The following PCDHGA3 variants were observed in gnomAD, a reference collection of about 807,000 sequenced individuals.
PCDHGA3 encodes protocadherin gamma subfamily A, 3.
In PCDHGA3, 40 loss-of-function variants were observed where a neutral mutation model predicts 58.5. The observed-to-expected ratio is 0.68, with a 90% CI of 0.53 to 0.89. PCDHGA3 has a LOEUF of 0.89. Among genes scored for constraint, PCDHGA3 ranks in the 40% least tolerant of loss-of-function variants. The probability of loss-of-function intolerance (pLI) is 0.00; values close to 1 mark genes in which losing one functional copy is unlikely to be tolerated. For missense variants in PCDHGA3, 1,223 were observed against 1,195.9 expected (o/e 1.02, Z -0.33); for synonymous variants, 530 against 525.7 (o/e 1.01, Z -0.11).
intron 1 of PCDHGA3, chr5:141,371,816 C>T: frequency 6.2e-7 from 1 of 1,613,888 alleles, no homozygotes; most frequent in Non-Finnish European, 8.5e-7. Context: ...TTGCGCATGT[C>T]AGAGCCTCGG....
chr5:141,472,065 G>C lies in PCDHGA3; in HGVS notation c.2425-22742G>C, dbSNP rs115025688. Among the ~76,000 whole-genome samples the C allele has an allele frequency of 1.7e-3, 265 of 152,218 alleles. 1 individual carries two copies. Among genetic ancestry groups the C allele is most frequent in the Middle Eastern group, 3.4e-3 (1 of 294 alleles). On this transcript the variant is annotated intron_variant, in intron 1 of 3. Coordinates refer to ENST00000253812, the MANE Select transcript of PCDHGA3 (RefSeq NM_018916.4). ...GATTTTAAAAATGATTGACATGTCT[G>C]TGGTTATATCAATGAGTACTATTAT...
At chr5:141,364,137 G>T in intron 1 of PCDHGA3, 1 of 496,716 alleles carries the variant, frequency 2.0e-6, no homozygotes, top group Non-Finnish European at 3.4e-6. Flanking sequence ...GTTGACCAAA[G>T]TGGGAAAGAA....
chr5:141,395,819 T>A (rs2093315125), intron 1 of PCDHGA3: 1 of 152,210 alleles, frequency 6.6e-6, no homozygotes, highest in Admixed American at 6.5e-5. Context: ...ATGAACAAAC[T>A]TTAAAGATGG....
intron 1 of PCDHGA3, among the ~76,000 whole-genome samples, chr5:141,479,107 G>A (rs1212999480): frequency 6.6e-6 from 1 of 152,090 alleles, no homozygotes; most frequent in Non-Finnish European, 1.5e-5. Flanking sequence ...TTTATTTCAA[G>A]CATTCTACTG....
Position 141,490,909 on chromosome 5 carries a change from G to T in PCDHGA3, c.2425-3898G>T. 4 of 1,613,744 alleles carry T rather than the reference G, an allele frequency of 2.5e-6. No individual in the cohort carries two copies. Among genetic ancestry groups the T allele is most frequent in the Non-Finnish European group, 3.4e-6 (4 of 1,179,762 alleles). ...ATCTCTGCATGTGTTTGTCCTAGAC[G>T]AGAATGATAATGCCCCAGCTGTGCT... On this transcript the variant is annotated intron_variant, in intron 1 of 3. Transcript: ENST00000253812. The surrounding 1 kb of genome is among the most constrained non-coding windows in gnomAD (Gnocchi z 5.4).
At chr5:141,363,078 A>G (rs1338723050) in intron 1 of PCDHGA3, among the ~76,000 whole-genome samples, 1 of 152,256 alleles carries the variant, frequency 6.6e-6, no homozygotes. Flanking sequence ...TGGAATCACA[A>G]ATGTATTTCT....
rs750876131 is a variant in PCDHGA3 at position 141,366,508 on chromosome 5, G to C, written c.2424+20051G>C. 2.5e-6 allele frequency: 4 copies of C among 1,614,144 alleles called. No individual in the cohort carries two copies. The African/African-American group carries it at 5.3e-5, about 22-fold the overall frequency. Reference sequence around the variant, plus strand: ...GCTGGCACAAGTCACGCCTGCTTCAGGCTGAAGGCAGCAGGTTGGCGGGTG... The same window carrying C: ...GCTGGCACAAGTCACGCCTGCTTCACGCTGAAGGCAGCAGGTTGGCGGGTG... On this transcript the variant is annotated intron_variant, in intron 1 of 3. Transcript: ENST00000253812.
intron 1 of PCDHGA3, among the ~76,000 whole-genome samples, chr5:141,369,773 T>G: frequency 6.6e-6 from 1 of 152,236 alleles, no homozygotes; most frequent in African/African-American, 2.4e-5. Flanking sequence ...AGCTGATATT[T>G]CAAGCCTCTT....
Position 141,345,031 on chromosome 5 carries a change from T to C in PCDHGA3, c.998T>C (p.Ile333Thr). 1 of 1,613,958 alleles carries C rather than the reference T, an allele frequency of 6.2e-7. No individual in the cohort carries two copies. The highest frequency in any genetic ancestry group is 8.5e-7 in the Non-Finnish European group (1 of 1,179,876). Residue 333 changes from isoleucine to threonine, a missense_variant, in exon 1 of 4, where the codon ATT becomes ACT. Ile to Thr is a moderately conservative substitution (Grantham distance 89, BLOSUM62 -1). Around this residue, in one of 3 missense-constraint regions of PCDHGA3, gnomAD observed 791 missense variants for 708.5 expected, o/e 1.12. Transcript: ENST00000253812. ...CCAGGTCTTCTTTCAAGAGCCAAGA[T>C]TCTAGTCACGGTTCTGGATGTGAAT... ...DGPGLLSRAK[I>T]LVTVLDVNDN...
At chr5:141,403,344 C>T (rs1307550469) in intron 1 of PCDHGA3, 10 of 1,613,916 alleles carry the variant, frequency 6.2e-6, no homozygotes, top group Non-Finnish European at 8.5e-6. Context: ...GACAGCGCCC[C>T]AAAGTTCCAG....
rs767515334 is a variant in PCDHGA3, at chr5:141,403,753, C to A, written c.2424+57296C>A. ...CCTGGCTGCTTACTGCAACAGCCAG[C>A]GACCTGGATGAGGGAATCAACGGAA... is the stretch of plus-strand genomic sequence containing the variant. On this transcript the variant is annotated intron_variant, in intron 1 of 3. Transcript: ENST00000253812. The A allele has an allele frequency of 1.9e-6, 3 of 1,613,502 alleles. No individual in the cohort carries two copies. The Admixed American group carries it at 5.0e-5, about 27-fold the overall frequency.
intron 1 of PCDHGA3, chr5:141,410,275 C>A: frequency 6.2e-7 from 1 of 1,614,038 alleles, no homozygotes; most frequent in Non-Finnish European, 8.5e-7. Context: ...TGCAGTTTTA[C>A]CTGGTGGTGG....
At chr5:141,475,988 A>C (rs1197163866) in intron 1 of PCDHGA3, 29 of 1,114,786 alleles carry the variant, frequency 2.6e-5, no homozygotes, top group Non-Finnish European at 3.2e-5. Context: ...GCCGGCGAGC[A>C]AATCAACGGC....
chr5:141,384,959 A>G (rs771197511), intron 1 of PCDHGA3: 2 of 1,613,600 alleles, frequency 1.2e-6, no homozygotes, highest in Admixed American at 1.7e-5. Flanking sequence ...CCTTACAACT[A>G]TGACCTCACG....
chr5:141,372,264 G>GGTGAGGTGC, intron 1 of PCDHGA3: 1 of 1,613,138 alleles, frequency 6.2e-7, no homozygotes, highest in Non-Finnish European at 8.5e-7. Flanking sequence ...CCTGCGCACG[G>GGTGAGGTGC]GTGAGGTGCG....
chr5:141,346,154 C>A lies in PCDHGA3; in HGVS notation c.2121C>A (p.Phe707Leu). The change falls in exon 1 of 4, where the codon TTC (phenylalanine) becomes TTA (leucine). Residue 707 changes from phenylalanine (F) to leucine (L), a missense_variant. Physicochemically the swap from Phe to Leu is conservative, Grantham distance 22. Coordinates refer to ENST00000253812, the MANE Select transcript of PCDHGA3 (RefSeq NM_018916.4). ...CGGTCTCCTGCGTCTTCCTGGCCTT[C>A]GTCATCGTGCTGCTGGCGCTCAGGC... Reference protein sequence around the residue: ...VAAVSCVFLAFVIVLLALRLR... With the variant: ...VAAVSCVFLALVIVLLALRLR... 1.2e-6 allele frequency: 2 copies of A among 1,614,012 alleles called. No homozygotes were observed. The highest frequency in any genetic ancestry group is 1.1e-5 in the South Asian group (1 of 91,074).
At chr5:141,437,659 C>T (rs1006268414) in intron 1 of PCDHGA3, among the ~76,000 whole-genome samples, 10 of 151,870 alleles carry the variant, frequency 6.6e-5, no homozygotes, top group East Asian at 3.9e-4. Context: ...CACATAGTTT[C>T]GAAGAGATGT....
intron 2 of PCDHGA3, among the ~76,000 whole-genome samples, chr5:141,504,960 T>C (rs9324851): frequency 0.59 from 89,328 of 151,916 alleles, 27,885 homozygotes; most frequent in African/African-American, 0.8. Context: ...TTCAATGCAT[T>C]GGACCAGCCT....
In PCDHGA3 at chr5:141,374,604, G is replaced by A. The variant is rs538426396; in HGVS notation, c.2424+28147G>A. ...TCCCTTCAGGGATTTAAGCTCAGTG[G>A]TAATAGTCACTTCTCAGTGGACGTG... On this transcript the variant is annotated intron_variant, in intron 1 of 3. Coordinates refer to ENST00000253812, the MANE Select transcript of PCDHGA3 (RefSeq NM_018916.4). 4.6e-5 allele frequency: 75 copies of A among 1,613,652 alleles called. No individual in the cohort carries two copies. In the South Asian group the frequency reaches 6.8e-4, roughly 15 times the overall value.
Sources: gnomAD v4.1 joint callset for allele counts (sites outside exome capture counted in the v4.1 genomes callset) on GRCh38, gnomAD v4.1.1 for gene constraint, gnomAD v4.1.1 regional missense constraint, Gnocchi (gnomAD v3.1) non-coding constraint, MANE v1.5 for transcripts, NCBI Gene and HGNC (gene_info 2026-07-23, HGNC 2026-07-21) for gene names.